The following CD36 variants were observed in gnomAD, a reference collection of about 807,000 sequenced individuals.
CD36 encodes platelet glycoprotein 4.
CD36 carries 119 observed loss-of-function variants against 55.2 expected under a neutral mutation model. That is an observed-to-expected ratio of 2.15 (90% confidence interval 1.86 to 2.51). The LOEUF is 2.51. CD36 is among the 30% of genes most tolerant of loss of function. The pLI is 0.00. For missense variants in CD36, 819 were observed against 555.5 expected (o/e 1.47, Z -4.77); for synonymous variants, 186 against 193.6 (o/e 0.96, Z 0.33).
intron 6 of CD36, among the ~76,000 whole-genome samples, chr7:80,663,664 A>AT (rs1377625026): frequency 3.3e-5 from 5 of 152,160 alleles, no homozygotes; most frequent in African/African-American, 9.6e-5. Flanking sequence ...GTAAATAAGA[A>AT]TTTTTAGTAG....
intron 13 of CD36, chr7:80,673,769 G>A: frequency 1.7e-6 from 1 of 593,196 alleles, no homozygotes; most frequent in Non-Finnish European, 3.0e-6. Context: ...TAGTTCTGAA[G>A]AGCAAATGAA....
intron 1 of CD36, among the ~76,000 whole-genome samples, chr7:80,616,817 C>T (rs941767418): frequency 1.7e-4 from 26 of 152,138 alleles, no homozygotes; most frequent in African/African-American, 5.5e-4. Context: ...GTGGCTACGG[C>T]GATTGTAAGG....
chr7:80,674,377 T>C (rs1300161974), intron 14 of CD36: 5 of 471,396 alleles, frequency 1.1e-5, no homozygotes, highest in Non-Finnish European at 1.5e-5. Context: ...GTGACCATTG[T>C]AACAATAGCA....
chr7:80,674,077 GTGT>G lies in CD36; in HGVS notation c.1352_1354del (p.Val451del). 1 of 1,612,108 alleles carries G rather than the reference GTGT, an allele frequency of 6.2e-7. No homozygotes were observed. Among genetic ancestry groups the G allele is most frequent in the Non-Finnish European group, 8.5e-7 (1 of 1,178,596 alleles). On this transcript the variant is annotated inframe_deletion, in exon 14 of 15. Transcript: ENST00000447544. ...GGCCTGATAGAAATGATCTTACTCA[GTGT>G]TGGTGTGGTGATGTTTGTTGCTTTT...
intron 8 of CD36, among the ~76,000 whole-genome samples, chr7:80,667,770 A>ATTTTT (rs1797262881): frequency 3.4e-5 from 1 of 29,058 alleles, no homozygotes; most frequent in African/African-American, 1.1e-4. Flanking sequence ...TTTTTTTTTG[A>ATTTTT]GACATAGTCT....
At chr7:80,641,465 T>A (rs1454621413) in intron 1 of CD36, among the ~76,000 whole-genome samples, 1 of 152,072 alleles carries the variant, frequency 6.6e-6, no homozygotes, top group African/African-American at 2.4e-5. Flanking sequence ...TGCTGTATTT[T>A]TTAGGTAAGG....
At chr7:80,659,785 A>G (rs1223347836) in intron 4 of CD36, among the ~76,000 whole-genome samples, 1 of 152,172 alleles carries the variant, frequency 6.6e-6, no homozygotes, top group Admixed American at 6.5e-5. Flanking sequence ...TAATATGCAC[A>G]CTAATTTAAA....
chr7:80,612,821 T>C (rs1473097654), intron 1 of CD36, among the ~76,000 whole-genome samples: 3 of 152,170 alleles, frequency 2.0e-5, no homozygotes, highest in Non-Finnish European at 4.4e-5. Flanking sequence ...ACATGTGTGT[T>C]ATATCACATA....
chr7:80,672,660 T>C, intron 11 of CD36, 110 bp from the exon 12 acceptor site: 1 of 738,102 alleles, frequency 1.4e-6, no homozygotes, highest in South Asian at 1.6e-5. Context: ...CAATTAGTCC[T>C]GTTTAACCTT....
chr7:80,662,369 C>A, intron 5 of CD36: 1 of 206,828 alleles, frequency 4.8e-6, no homozygotes. Flanking sequence ...TCATCCTCCC[C>A]AACCTGGGAC....
At chr7:80,668,012 G>A (rs1797291089) in intron 8 of CD36, among the ~76,000 whole-genome samples, 1 of 152,046 alleles carries the variant, frequency 6.6e-6, no homozygotes, top group Non-Finnish European at 1.5e-5. Context: ...CTCCCAAAGT[G>A]CTGGGATTAC....
chr7:80,622,381 A>T (rs1793518137), intron 1 of CD36, among the ~76,000 whole-genome samples: 1 of 152,216 alleles, frequency 6.6e-6, no homozygotes, highest in African/African-American at 2.4e-5. Context: ...GAAAAATCTT[A>T]CCTTACTAGC....
intron 1 of CD36, among the ~76,000 whole-genome samples, chr7:80,603,903 G>A (rs1445566015): frequency 2.0e-5 from 3 of 152,022 alleles, no homozygotes; most frequent in Admixed American, 6.6e-5. Context: ...ATGTGACTGC[G>A]GCTCATTTTG....
chr7:80,613,285 A>AT (rs1043345425), intron 1 of CD36, among the ~76,000 whole-genome samples: 5 of 151,944 alleles, frequency 3.3e-5, no homozygotes, highest in African/African-American at 9.7e-5. Context: ...AAGTTTCTCT[A>AT]TTTTTTCTTT....
At chr7:80,667,575 TAA>T (rs1161221959) in intron 8 of CD36, among the ~76,000 whole-genome samples, 1 of 151,626 alleles carries the variant, frequency 6.6e-6, no homozygotes, top group Admixed American at 6.6e-5. Context: ...ATAACAAAGA[TAA>T]AGACACTTAA....
At chr7:80,605,039 A>G (rs1251853389) in intron 1 of CD36, among the ~76,000 whole-genome samples, 1 of 152,134 alleles carries the variant, frequency 6.6e-6, no homozygotes, top group African/African-American at 2.4e-5. Flanking sequence ...AAGTGAAGTA[A>G]TAAAAATTAG....
chr7:80,674,398 A>C (rs1798063525), intron 14 of CD36: 1 of 318,374 alleles, frequency 3.1e-6, no homozygotes, highest in Admixed American at 5.0e-5. Flanking sequence ...CAAATAAAGC[A>C]CTTGTGCCAA....
At chr7:80,612,746 A>G (rs893319284) in intron 1 of CD36, among the ~76,000 whole-genome samples, 3 of 152,102 alleles carry the variant, frequency 2.0e-5, no homozygotes, top group Admixed American at 1.3e-4. Flanking sequence ...GACAGATATA[A>G]TTGTATGTAT....
intron 3 of CD36, among the ~76,000 whole-genome samples, chr7:80,652,880 G>T (rs140931297): frequency 2.3e-4 from 35 of 152,232 alleles, no homozygotes; most frequent in African/African-American, 8.2e-4. Context: ...TGTTCTAAGT[G>T]TTCACGTTTA....
Sources: allele counts gnomAD v4.1 joint callset (sites outside exome capture counted in the v4.1 genomes callset), GRCh38; gene constraint gnomAD v4.1.1; transcripts MANE v1.5; gene names NCBI Gene and HGNC (gene_info 2026-07-23, HGNC 2026-07-21).